The following KCNN2 variants were observed in gnomAD, a reference collection of about 807,000 sequenced individuals.
The protein encoded by KCNN2 is small conductance calcium-activated potassium channel protein 2.
In KCNN2, 24 loss-of-function variants were observed where a neutral mutation model predicts 55.5. The ratio of observed to expected loss-of-function variants is 0.43; its 90% CI spans 0.31 to 0.61. The LOEUF is 0.61. Among genes scored for constraint, KCNN2 ranks in the 20% least tolerant of loss-of-function variants. KCNN2 has a pLI of 0.08. For missense variants in KCNN2, 754 were observed against 853.6 expected, an observed-to-expected ratio of 0.88 and a Z score of 1.45; for synonymous variants, 431 against 336.1, an observed-to-expected ratio of 1.28 and a Z score of -3.09.
At chr5:114,057,392 A>C (rs1750234023) in intron 1 of KCNN2, among the ~76,000 whole-genome samples, 1 of 152,204 alleles carries the variant, frequency 6.6e-6, no homozygotes, top group Non-Finnish European at 1.5e-5. Context: ...CAGATGATTA[A>C]GTAATTTATT....
intron 1 of KCNN2, among the ~76,000 whole-genome samples, chr5:114,139,230 G>T (rs1752227068): frequency 6.6e-6 from 1 of 152,060 alleles, no homozygotes; most frequent in Non-Finnish European, 1.5e-5. Flanking sequence ...AAGACATGTG[G>T]ATAGTGTTTT....
chr5:114,274,910 T>C (rs191015173), intron 2 of KCNN2, among the ~76,000 whole-genome samples: 1 of 152,160 alleles, frequency 6.6e-6, no homozygotes, highest in African/African-American at 2.4e-5. Flanking sequence ...CCTTGTCATA[T>C]GCCGGTTTTC....
chr5:114,322,649 T>C (rs982235385), intron 2 of KCNN2, among the ~76,000 whole-genome samples: 4 of 151,882 alleles, frequency 2.6e-5, no homozygotes, highest in African/African-American at 4.8e-5. Context: ...AGTATTTTAA[T>C]TGATGCTGCA....
chr5:114,482,267 TG>T (rs1189428379), intron 5 of KCNN2, among the ~76,000 whole-genome samples: 1 of 152,072 alleles, frequency 6.6e-6, no homozygotes, highest in Non-Finnish European at 1.5e-5. Context: ...AACAAACTTA[TG>T]AAAAAATGCT....
At chr5:114,195,870 G>A (rs1376242041) in intron 1 of KCNN2, among the ~76,000 whole-genome samples, 1 of 151,860 alleles carries the variant, frequency 6.6e-6, no homozygotes, top group Non-Finnish European at 1.5e-5. Flanking sequence ...CCTGTTCCTG[G>A]TTTCTTGAGA....
intron 1 of KCNN2, among the ~76,000 whole-genome samples, chr5:114,182,176 T>A (rs955374886): frequency 6.6e-6 from 1 of 152,152 alleles, no homozygotes. Context: ...TTTAGAATTA[T>A]CAATCTACTT....
intron 2 of KCNN2, among the ~76,000 whole-genome samples, chr5:114,371,175 G>A (rs1157319058): frequency 6.6e-6 from 1 of 152,176 alleles, no homozygotes; most frequent in Non-Finnish European, 1.5e-5. Context: ...TCAAATTGAG[G>A]AGCAGGGTGT....
intron 1 of KCNN2, among the ~76,000 whole-genome samples, chr5:114,149,774 G>A (rs1752476997): frequency 6.6e-6 from 1 of 152,174 alleles, no homozygotes; most frequent in Non-Finnish European, 1.5e-5. Flanking sequence ...AGTAATAGTT[G>A]CAGCAAAAGC....
chr5:114,331,380 C>T (rs900231227), intron 2 of KCNN2, among the ~76,000 whole-genome samples: 1 of 152,116 alleles, frequency 6.6e-6, no homozygotes, highest in Admixed American at 6.6e-5. Flanking sequence ...GGCAATGTGG[C>T]TTGGGGTAAG....
intron 2 of KCNN2, among the ~76,000 whole-genome samples, chr5:114,301,144 G>A (rs991675490): frequency 3.0e-4 from 45 of 151,710 alleles, no homozygotes; most frequent in Non-Finnish European, 4.1e-4. Context: ...GTCTCCAATA[G>A]CACTGTTTTC....
At chr5:114,449,430 G>A (rs145562593) in intron 3 of KCNN2, among the ~76,000 whole-genome samples, 99 of 152,312 alleles carry the variant, frequency 6.5e-4, no homozygotes, top group African/African-American at 2.2e-3. Flanking sequence ...CTACTTTTAC[G>A]TAAATAGAGT....
chr5:114,264,390 C>T (rs1006652469), intron 2 of KCNN2, among the ~76,000 whole-genome samples: 1 of 152,070 alleles, frequency 6.6e-6, no homozygotes, highest in African/African-American at 2.4e-5. Flanking sequence ...AGGTAAATTA[C>T]AGAAATCAAC....
At chr5:114,152,923 G>A (rs917948325) in intron 1 of KCNN2, among the ~76,000 whole-genome samples, 2 of 152,182 alleles carry the variant, frequency 1.3e-5, no homozygotes, top group Non-Finnish European at 2.9e-5. Context: ...AAAAGCATGA[G>A]AAGCCTTGAT....
chr5:114,327,578 G>A (rs4705500), intron 2 of KCNN2, among the ~76,000 whole-genome samples: 45,729 of 151,994 alleles, frequency 0.3, 7,173 homozygotes, highest in Non-Finnish European at 0.35. Flanking sequence ...TGAGTAGGAC[G>A]CAGAAGGTTA....
At chr5:114,109,556 G>A (rs1751553185) in intron 1 of KCNN2, among the ~76,000 whole-genome samples, 1 of 151,716 alleles carries the variant, frequency 6.6e-6, no homozygotes, top group Non-Finnish European at 1.5e-5. Flanking sequence ...ACTTTTTTTT[G>A]TCTTAGCCAT....
chr5:114,245,048 A>G (rs1012719074), intron 2 of KCNN2, among the ~76,000 whole-genome samples: 2 of 152,262 alleles, frequency 1.3e-5, no homozygotes, highest in African/African-American at 4.8e-5. Context: ...CTGTTTAAAA[A>G]GAATTGTCAA....
At chr5:114,059,970 G>C (rs1750292341) in intron 1 of KCNN2, among the ~76,000 whole-genome samples, 1 of 152,258 alleles carries the variant, frequency 6.6e-6, no homozygotes, top group Non-Finnish European at 1.5e-5. Context: ...TTAAAGGCCA[G>C]TGTATTGCAG....
chr5:114,456,287 T>C (rs1322931223), intron 3 of KCNN2, among the ~76,000 whole-genome samples: 1 of 152,198 alleles, frequency 6.6e-6, no homozygotes, highest in South Asian at 2.1e-4. Context: ...AAATCTACTT[T>C]GCCTGTGCCC....
chr5:114,294,613 C>T (rs1755968300), intron 2 of KCNN2, among the ~76,000 whole-genome samples: 1 of 152,088 alleles, frequency 6.6e-6, no homozygotes, highest in African/African-American at 2.4e-5. Flanking sequence ...TTACTTCCAA[C>T]TATGTGGTCA....
Sources: allele counts gnomAD v4.1 joint callset (sites outside exome capture counted in the v4.1 genomes callset), GRCh38; gene constraint gnomAD v4.1.1; transcripts MANE v1.5; gene names NCBI Gene and HGNC (gene_info 2026-07-23, HGNC 2026-07-21).